The following TEK variants were observed in gnomAD, a reference collection of about 807,000 sequenced individuals.
The protein encoded by TEK is angiopoietin-1 receptor.
Under a neutral mutation model 131.8 loss-of-function variants are expected in TEK, and 43 were observed. That is an observed-to-expected ratio of 0.33 (90% CI 0.26 to 0.42). TEK has a LOEUF of 0.42. TEK is among the 10% of genes least tolerant of loss of function. The pLI is 1.00. For synonymous variants in TEK, 580 were observed against 491.6 expected (o/e 1.18, Z -2.38); for missense variants, 1,162 against 1,384.4 (o/e 0.84, Z 2.55).
intron 1 of TEK, among the ~76,000 whole-genome samples, chr9:27,156,838 C>T (rs1823348903): frequency 6.6e-6 from 1 of 152,164 alleles, no homozygotes; most frequent in Non-Finnish European, 1.5e-5. Context: ...TTTTTCTAGT[C>T]TCCTGATTGT....
intron 1 of TEK, among the ~76,000 whole-genome samples, chr9:27,136,033 C>T (rs17756599): frequency 0.13 from 18,969 of 151,302 alleles, 1,518 homozygotes; most frequent in Middle Eastern, 0.26. Flanking sequence ...TCCTTTTCTG[C>T]GGAATTCAAA....
chr9:27,224,242 C>A (rs1297775352), intron 21 of TEK, among the ~76,000 whole-genome samples: 2 of 148,268 alleles, frequency 1.3e-5, no homozygotes, highest in African/African-American at 5.0e-5. Context: ...AAAGAGGGAT[C>A]TTTCCTAACT....
At chr9:27,188,692 G>A (rs1001344807) in intron 9 of TEK, among the ~76,000 whole-genome samples, 4 of 152,128 alleles carry the variant, frequency 2.6e-5, no homozygotes, top group Admixed American at 1.3e-4. Context: ...AACTTCCTAA[G>A]TCGTCACTTA....
intron 4 of TEK, 123 bp downstream of exon 4, chr9:27,169,752 G>T: frequency 7.6e-7 from 1 of 1,324,238 alleles, no homozygotes; most frequent in East Asian, 2.3e-5. Context: ...GTTGGAGGTT[G>T]TATTAGTCTG....
chr9:27,140,990 A>G (rs886093584), intron 1 of TEK, among the ~76,000 whole-genome samples: 1 of 151,704 alleles, frequency 6.6e-6, no homozygotes, highest in Admixed American at 6.6e-5. Flanking sequence ...CTTTTAATTT[A>G]TTCGTTAAGT....
At chr9:27,189,812 G>A (rs566003350) in intron 9 of TEK, among the ~76,000 whole-genome samples, 1 of 152,132 alleles carries the variant, frequency 6.6e-6, no homozygotes, top group East Asian at 1.9e-4. Context: ...TCTGACTTCT[G>A]ACTTCTAGAA....
chr9:27,124,390 C>T (rs375206390), intron 1 of TEK, among the ~76,000 whole-genome samples: 1 of 152,208 alleles, frequency 6.6e-6, no homozygotes. Flanking sequence ...GCGCACATAT[C>T]ATCTTTCTTG....
intron 1 of TEK, among the ~76,000 whole-genome samples, chr9:27,125,903 T>G (rs1821968767): frequency 6.6e-6 from 1 of 152,180 alleles, no homozygotes; most frequent in African/African-American, 2.4e-5. Flanking sequence ...CTATACATAT[T>G]TTTTGAGCTT....
At chr9:27,116,351 C>G (rs905452246) in intron 1 of TEK, among the ~76,000 whole-genome samples, 2 of 152,050 alleles carry the variant, frequency 1.3e-5, no homozygotes, top group African/African-American at 2.4e-5. Context: ...TGCAGTGGCA[C>G]GATCTTGGCT....
At chr9:27,173,654 G>C (rs1824047868) in intron 6 of TEK, among the ~76,000 whole-genome samples, 2 of 151,946 alleles carry the variant, frequency 1.3e-5, no homozygotes, top group Non-Finnish European at 2.9e-5. Context: ...ATTTCTAACA[G>C]GCTCCCAAGT....
intron 21 of TEK, among the ~76,000 whole-genome samples, chr9:27,223,577 A>C (rs1189921282): frequency 6.6e-6 from 1 of 152,214 alleles, no homozygotes; most frequent in Non-Finnish European, 1.5e-5. Flanking sequence ...AGTGAGAACA[A>C]AGACACAACA....
chr9:27,212,636 A>G, intron 16 of TEK, 71 bp from the exon 17 acceptor site: 1 of 1,556,718 alleles, frequency 6.4e-7, no homozygotes, highest in African/African-American at 1.4e-5. Context: ...GGCAATTTCC[A>G]CAGCACATCT....
chr9:27,178,966 G>C (rs1274954367), intron 6 of TEK, among the ~76,000 whole-genome samples: 3 of 152,084 alleles, frequency 2.0e-5, no homozygotes, highest in Non-Finnish European at 4.4e-5. Context: ...ATTCTGCTAA[G>C]GGCTTAACAA....
At chr9:27,210,076 C>G (rs1183192651) in intron 16 of TEK, among the ~76,000 whole-genome samples, 4 of 152,166 alleles carry the variant, frequency 2.6e-5, no homozygotes, top group Non-Finnish European at 5.9e-5. Flanking sequence ...CTTCCATTTC[C>G]TCAATTTATT....
At chr9:27,112,509 C>T (rs1821385763) in intron 1 of TEK, among the ~76,000 whole-genome samples, 1 of 152,184 alleles carries the variant, frequency 6.6e-6, no homozygotes, top group African/African-American at 2.4e-5. Context: ...CCTGGGAGAG[C>T]TTCCTGGAAG....
chr9:27,144,222 C>T (rs1190240863), intron 1 of TEK, among the ~76,000 whole-genome samples: 2 of 152,000 alleles, frequency 1.3e-5, no homozygotes, highest in African/African-American at 4.8e-5. Context: ...GCAGAGCTTG[C>T]AGTGAGCCGA....
At chr9:27,138,686 C>A (rs1380708499) in intron 1 of TEK, among the ~76,000 whole-genome samples, 1 of 152,170 alleles carries the variant, frequency 6.6e-6, no homozygotes, top group African/African-American at 2.4e-5. Flanking sequence ...TTCATGGGCC[C>A]ACTTACACCC....
intron 18 of TEK, among the ~76,000 whole-genome samples, chr9:27,215,994 G>A (rs926404268): frequency 1.3e-5 from 2 of 152,102 alleles, no homozygotes; most frequent in Non-Finnish European, 2.9e-5. Flanking sequence ...AACCCCTAGA[G>A]GAAAAGGAAA....
chr9:27,199,558 A>G (rs777006462), intron 12 of TEK, among the ~76,000 whole-genome samples: 1 of 152,206 alleles, frequency 6.6e-6, no homozygotes, highest in Non-Finnish European at 1.5e-5. Context: ...GCGTATCTCA[A>G]AAGCAAAATA....
Sources: gnomAD v4.1 joint callset for allele counts (sites outside exome capture counted in the v4.1 genomes callset) on GRCh38, gnomAD v4.1.1 for gene constraint, MANE v1.5 for transcripts, NCBI Gene and HGNC (gene_info 2026-07-23, HGNC 2026-07-21) for gene names.